Variants in RBFOX1 observed in about 807,000 individuals in gnomAD.
RBFOX1 encodes the protein RNA binding fox-1 homolog 1.
A neutral mutation model predicts 57.7 loss-of-function variants in RBFOX1; 8 were observed. That is an observed-to-expected ratio of 0.14 (90% confidence interval 0.08 to 0.25). The LOEUF (loss-of-function observed/expected upper bound fraction) is 0.25. Ranked by LOEUF, RBFOX1 falls within the 10% of genes least tolerant of loss-of-function variation. The probability of loss-of-function intolerance (pLI) is 1.00; values close to 1 mark genes in which losing one functional copy is unlikely to be tolerated. For synonymous variants in RBFOX1, 326 were observed against 222.4 expected (o/e 1.47, Z -4.15); for missense variants, 611 against 548.5 (o/e 1.11, Z -1.14).
intron 3 of RBFOX1, among the ~76,000 whole-genome samples, chr16:6,888,741 C>G (rs1185032133): frequency 3.9e-5 from 6 of 152,016 alleles, no homozygotes; most frequent in African/African-American, 1.4e-4. Context: ...AGCAGCCTTA[C>G]TTTGTGAGCT....
At chr16:7,343,258 G>A (rs1297520554) in intron 4 of RBFOX1, among the ~76,000 whole-genome samples, 4 of 152,120 alleles carry the variant, frequency 2.6e-5, no homozygotes, top group African/African-American at 4.8e-5. Flanking sequence ...GAAGCCTTTC[G>A]GGGGGAAATT....
intron 3 of RBFOX1, among the ~76,000 whole-genome samples, chr16:6,678,504 G>T (rs2058111692): frequency 6.6e-6 from 1 of 151,582 alleles, no homozygotes. Flanking sequence ...AAAATCTAGT[G>T]TGCATTTTAC....
intron 3 of RBFOX1, among the ~76,000 whole-genome samples, chr16:5,660,351 G>T (rs967294109): frequency 2.0e-5 from 3 of 152,110 alleles, no homozygotes; most frequent in Non-Finnish European, 4.4e-5. Flanking sequence ...CGCGTTTTCG[G>T]CTTAGCTGGT....
At chr16:6,961,803 G>A (rs11865388) in intron 3 of RBFOX1, among the ~76,000 whole-genome samples, 92,805 of 151,778 alleles carry the variant, frequency 0.61, 28,480 homozygotes, top group Non-Finnish European at 0.63. Context: ...ATGCTAATGC[G>A]TTATAATTAA....
intron 2 of RBFOX1, among the ~76,000 whole-genome samples, chr16:6,435,001 T>C (rs1329216367): frequency 2.6e-5 from 4 of 152,228 alleles, no homozygotes; most frequent in Non-Finnish European, 4.4e-5. Flanking sequence ...TAACATTCTT[T>C]GGATAAATTG....
chr16:6,103,941 T>G (rs1322316130), intron 1 of RBFOX1, among the ~76,000 whole-genome samples: 1 of 152,232 alleles, frequency 6.6e-6, no homozygotes, highest in Non-Finnish European at 1.5e-5. Flanking sequence ...GGGCTATTAC[T>G]TCGCCCTAGC....
chr16:6,524,436 G>A (rs1327814100), intron 2 of RBFOX1, among the ~76,000 whole-genome samples: 1 of 152,192 alleles, frequency 6.6e-6, no homozygotes, highest in East Asian at 1.9e-4. Flanking sequence ...TATGGCAGCA[G>A]TGTTTACCGT....
At chr16:5,980,338 G>T (rs2060147541) in intron 4 of RBFOX1, among the ~76,000 whole-genome samples, 1 of 152,182 alleles carries the variant, frequency 6.6e-6, no homozygotes, top group Non-Finnish European at 1.5e-5. Context: ...GGTATAGATG[G>T]TAATGACCTC....
chr16:5,655,502 C>G (rs2049396632), intron 3 of RBFOX1, among the ~76,000 whole-genome samples: 1 of 152,116 alleles, frequency 6.6e-6, no homozygotes, highest in African/African-American at 2.4e-5. Context: ...TGGGGTGTGG[C>G]TAGGTTCAGC....
intron 1 of RBFOX1, among the ~76,000 whole-genome samples, chr16:6,061,604 TTAAG>T (rs949052752): frequency 2.6e-4 from 39 of 151,762 alleles, no homozygotes; most frequent in African/African-American, 9.4e-4. Flanking sequence ...TATAATAAAA[TTAAG>T]TATAGAAAAT....
At chr16:5,706,892 C>A (rs932913454) in intron 3 of RBFOX1, among the ~76,000 whole-genome samples, 2 of 152,028 alleles carry the variant, frequency 1.3e-5, no homozygotes, top group African/African-American at 2.4e-5. Context: ...TGGGGTTCCT[C>A]CAGCCCTAGC....
At chr16:6,489,056 G>T (rs1265874318) in intron 2 of RBFOX1, among the ~76,000 whole-genome samples, 1 of 152,026 alleles carries the variant, frequency 6.6e-6, no homozygotes, top group Non-Finnish European at 1.5e-5. Context: ...CTGCTTCCTT[G>T]GAACATCTTT....
intron 2 of RBFOX1, among the ~76,000 whole-genome samples, chr16:5,577,510 T>A (rs986949554): frequency 3.9e-5 from 6 of 152,176 alleles, no homozygotes; most frequent in African/African-American, 1.4e-4. Context: ...CTCATCCTTA[T>A]CCCCAGAATG....
At chr16:5,717,968 T>A (rs2051779574) in intron 3 of RBFOX1, among the ~76,000 whole-genome samples, 1 of 151,942 alleles carries the variant, frequency 6.6e-6, no homozygotes, top group African/African-American at 2.4e-5. Flanking sequence ...TCTTCACTCT[T>A]CTGGACAATG....
chr16:6,992,937 G>A (rs2091734611), intron 3 of RBFOX1, among the ~76,000 whole-genome samples: 1 of 151,552 alleles, frequency 6.6e-6, no homozygotes, highest in African/African-American at 2.4e-5. Context: ...TTTCATTGTA[G>A]AATGCAGACT....
intron 3 of RBFOX1, among the ~76,000 whole-genome samples, chr16:6,931,069 C>T (rs1308921032): frequency 6.6e-6 from 1 of 151,770 alleles, no homozygotes; most frequent in Non-Finnish European, 1.5e-5. Context: ...TGCTGTATGC[C>T]TAACATTTAG....
intron 5 of RBFOX1, among the ~76,000 whole-genome samples, chr16:7,543,270 A>G (rs192682742): frequency 6.6e-6 from 1 of 152,222 alleles, no homozygotes; most frequent in Non-Finnish European, 1.5e-5. Context: ...CTGACACATG[A>G]CTTCACATAA....
chr16:6,935,851 G>C (rs1445335855), intron 3 of RBFOX1, among the ~76,000 whole-genome samples: 1 of 152,258 alleles, frequency 6.6e-6, no homozygotes, highest in Non-Finnish European at 1.5e-5. Context: ...GATACCTGTG[G>C]TCTAGATCCT....
At chr16:6,995,036 A>G (rs916122129) in intron 3 of RBFOX1, among the ~76,000 whole-genome samples, 2 of 150,362 alleles carry the variant, frequency 1.3e-5, no homozygotes, top group Non-Finnish European at 2.9e-5. Context: ...TGTGCCAGGT[A>G]TTAGGCTGGC....
Sources: allele counts gnomAD v4.1 joint callset (sites outside exome capture counted in the v4.1 genomes callset), GRCh38; gene constraint gnomAD v4.1.1; transcripts MANE v1.5; gene names NCBI Gene and HGNC (gene_info 2026-07-23, HGNC 2026-07-21).